PLEKHA1: variants seen among roughly 807,000 people sequenced by gnomAD.
PLEKHA1 encodes pleckstrin homology domain containing A1, also known as pleckstrin homology domain-containing family A member 1.
In PLEKHA1, 34 loss-of-function variants were observed where a neutral mutation model predicts 52.0. The ratio of observed to expected loss-of-function variants is 0.65; its 90% CI spans 0.50 to 0.87. PLEKHA1 has a LOEUF of 0.87. Among genes scored for constraint, PLEKHA1 ranks in the 40% least tolerant of loss-of-function variants. The probability of loss-of-function intolerance (pLI) is 0.00; values close to 1 mark genes in which losing one functional copy is unlikely to be tolerated. For missense variants in PLEKHA1, 497 were observed against 504.2 expected (o/e 0.99, Z 0.14); for synonymous variants, 163 against 170.7 (o/e 0.95, Z 0.35).
At chr10:122,392,905 G>GT (rs928107548) in intron 1 of PLEKHA1, among the ~76,000 whole-genome samples, 6 of 151,982 alleles carry the variant, frequency 3.9e-5, no homozygotes, top group Non-Finnish European at 7.4e-5. Context: ...CTCACCTGGG[G>GT]TTTTTTTAGG....
intron 4 of PLEKHA1, among the ~76,000 whole-genome samples, chr10:122,401,476 GC>G (rs1353650892): frequency 1.3e-5 from 2 of 149,690 alleles, no homozygotes; most frequent in Non-Finnish European, 3.0e-5. Flanking sequence ...AAGTGCAGGG[GC>G]TTGGTGGATA....
chr10:122,408,730 C>T (rs1213002911), intron 5 of PLEKHA1, among the ~76,000 whole-genome samples: 5 of 151,954 alleles, frequency 3.3e-5, no homozygotes, highest in East Asian at 1.9e-4. Flanking sequence ...AATATCTTAC[C>T]AGTTTCATGT....
intron 5 of PLEKHA1, among the ~76,000 whole-genome samples, chr10:122,411,528 G>A (rs974293722): frequency 2.6e-5 from 4 of 152,202 alleles, no homozygotes; most frequent in African/African-American, 9.6e-5. Flanking sequence ...TTTTAGAGCA[G>A]TGTTTCTCAA....
chr10:122,388,111 C>T (rs1364148049), intron 1 of PLEKHA1: 5 of 152,176 alleles, frequency 3.3e-5, no homozygotes, highest in African/African-American at 7.2e-5. Context: ...GCAACTATCA[C>T]CTATATCTAC....
intron 2 of PLEKHA1, among the ~76,000 whole-genome samples, chr10:122,396,459 T>A (rs1293959625): frequency 6.6e-6 from 1 of 152,106 alleles, no homozygotes; most frequent in African/African-American, 2.4e-5. Flanking sequence ...CTATTGATGA[T>A]TTATATTTGG....
chr10:122,406,472 C>G (rs1267166375), intron 4 of PLEKHA1, 104 bp from the exon 5 acceptor site: 2 of 839,104 alleles, frequency 2.4e-6, no homozygotes, highest in Non-Finnish European at 2.0e-6. Context: ...GTCAAATCCA[C>G]GAGAGTCACG....
Position 122,385,339 on chromosome 10 carries a change from C to T in PLEKHA1, c.-20-7842C>T, listed in dbSNP as rs1368348170. On this transcript the variant is annotated intron_variant, in intron 1 of 11. Coordinates refer to ENST00000368990, the MANE Select transcript of PLEKHA1 (RefSeq NM_001001974.4). Reference sequence around the variant, plus strand: ...TTTTTTTTTTTTTTTTTTTTTGAGGCGGAGTTTCGCTCTTGCTGCTCAGGC... The same window carrying T: ...TTTTTTTTTTTTTTTTTTTTTGAGGTGGAGTTTCGCTCTTGCTGCTCAGGC... Among the ~76,000 whole-genome samples, 169 of 88,288 alleles carry T rather than the reference C, an allele frequency of 1.9e-3. 1 individual carries two copies. Among genetic ancestry groups the T allele is most frequent in the Middle Eastern group, 0.012 (1 of 86 alleles). The allele number at this position is 88,288 out of a possible 152,430, so 57.9% of individuals were successfully genotyped here. A position where few individuals can be genotyped will look rare whatever the true frequency, so the allele number is the denominator to read the frequency against.
At chr10:122,399,473 G>C (rs1022081753) in intron 3 of PLEKHA1, among the ~76,000 whole-genome samples, 2 of 152,132 alleles carry the variant, frequency 1.3e-5, no homozygotes, top group African/African-American at 4.8e-5. Context: ...TCCTGTACAA[G>C]AGAGGATCCA....
the PLEKHA1 span, chr10:122,441,030 C>T: frequency 6.6e-6 from 1 of 152,052 alleles, no homozygotes; most frequent in Non-Finnish European, 1.5e-5. Flanking sequence ...AAGTGTGGTC[C>T]CTGAGACCAA....
At chr10:122,437,528 C>T in the PLEKHA1 span, 1 of 152,138 alleles carries the variant, frequency 6.6e-6, no homozygotes, top group South Asian at 2.1e-4. Flanking sequence ...CTATTGAAGG[C>T]TTTGAAACTG....
the PLEKHA1 span, chr10:122,440,936 A>C: frequency 6.6e-6 from 1 of 152,128 alleles, no homozygotes; most frequent in Non-Finnish European, 1.5e-5. Flanking sequence ...TTTACGTTTA[A>C]TTTTAGGTGC....
At chr10:122,407,223 ACTT>A (rs1187431405) in intron 5 of PLEKHA1, among the ~76,000 whole-genome samples, 1 of 152,040 alleles carries the variant, frequency 6.6e-6, no homozygotes, top group Non-Finnish European at 1.5e-5. Context: ...CAGGCTCTAA[ACTT>A]CTTCCCATGT....
chr10:122,435,165 CA>C (rs2097433597), downstream of PLEKHA1: 1 of 152,050 alleles, frequency 6.6e-6, no homozygotes, highest in Non-Finnish European at 1.5e-5. Flanking sequence ...GTTGGTGAGG[CA>C]AGAAATATTT....
intron 1 of PLEKHA1, among the ~76,000 whole-genome samples, chr10:122,375,285 G>T (rs1005231570): frequency 6.6e-6 from 1 of 152,060 alleles, no homozygotes; most frequent in African/African-American, 2.4e-5. Context: ...GGCTGTGCCC[G>T]CGGGGCGCGC....
At chr10:122,394,559 A>G (rs757654944) in intron 2 of PLEKHA1, among the ~76,000 whole-genome samples, 3 of 152,124 alleles carry the variant, frequency 2.0e-5, no homozygotes, top group Non-Finnish European at 2.9e-5. Context: ...AGACTTATAC[A>G]AGGTTCTGTT....
chr10:122,380,443 G>A (rs777426705), intron 1 of PLEKHA1, among the ~76,000 whole-genome samples: 15 of 152,192 alleles, frequency 9.9e-5, no homozygotes, highest in Non-Finnish European at 1.8e-4. Context: ...GGTGGAAGTA[G>A]CAAAACGGTT....
chr10:122,397,368 C>T (rs2096864803), intron 2 of PLEKHA1, among the ~76,000 whole-genome samples: 1 of 151,958 alleles, frequency 6.6e-6, no homozygotes, highest in African/African-American at 2.4e-5. Context: ...TGTGAAAGTG[C>T]CTACATTCCC....
chr10:122,407,711 T>C (rs994669569), intron 5 of PLEKHA1, among the ~76,000 whole-genome samples: 28 of 152,224 alleles, frequency 1.8e-4, no homozygotes, highest in African/African-American at 6.5e-4. Flanking sequence ...CTGGAAAATG[T>C]TGGGAAGGAG....
chr10:122,416,498 A>T (rs2097177626), intron 7 of PLEKHA1, among the ~76,000 whole-genome samples: 1 of 152,070 alleles, frequency 6.6e-6, no homozygotes, highest in Admixed American at 6.6e-5. Context: ...AAAACCTACC[A>T]TCTAGGGTTT....
Sources: allele counts gnomAD v4.1 joint callset (sites outside exome capture counted in the v4.1 genomes callset), GRCh38; gene constraint gnomAD v4.1.1; transcripts MANE v1.5; gene names NCBI Gene and HGNC (gene_info 2026-07-23, HGNC 2026-07-21).